LTBP2: variants seen among roughly 807,000 people sequenced by gnomAD.
The protein encoded by LTBP2 is latent transforming growth factor beta binding protein 2.
Under a neutral mutation model 210.6 loss-of-function variants are expected in LTBP2, and 103 were observed. That is an observed-to-expected ratio of 0.49 (90% CI 0.42 to 0.58). The LOEUF (loss-of-function observed/expected upper bound fraction) is 0.58, where lower values mean the gene tolerates loss of function less well. LTBP2 is among the 20% of genes least tolerant of loss of function. The pLI is 0.00. For missense variants in LTBP2, 2,313 were observed against 2,494.5 expected, an observed-to-expected ratio of 0.93 and a Z score of 1.55; for synonymous variants, 1,007 against 1,015.0, an observed-to-expected ratio of 0.99 and a Z score of 0.15.
At chr14:74,589,502 T>C (rs2088251912) in intron 2 of LTBP2, among the ~76,000 whole-genome samples, 1 of 152,260 alleles carries the variant, frequency 6.6e-6, no homozygotes, top group Non-Finnish European at 1.5e-5. Flanking sequence ...TTTTTCTTCA[T>C]GCCCAGGCAC....
chr14:74,596,059 C>G (rs2088355840), intron 2 of LTBP2, among the ~76,000 whole-genome samples: 1 of 151,848 alleles, frequency 6.6e-6, no homozygotes, highest in Non-Finnish European at 1.5e-5. Flanking sequence ...CAAAACGTCT[C>G]TATAAAAATA....
At chr14:74,527,947 G>A (rs2139717765) in intron 12 of LTBP2, among the ~76,000 whole-genome samples, 1 of 152,354 alleles carries the variant, frequency 6.6e-6, no homozygotes, top group South Asian at 2.1e-4. Context: ...CAGGCCTCCT[G>A]CATTCAGTGT....
chr14:74,502,665 C>T lies in LTBP2; in HGVS notation c.5158G>A (p.Ala1720Thr), dbSNP rs770631509. Residue 1720 changes from alanine to threonine, a missense_variant, in exon 34 of 36, where the codon GCC becomes ACC. Around this residue, in one of 3 missense-constraint regions of LTBP2, gnomAD observed 443 missense variants for 501.4 expected, o/e 0.88. Coordinates refer to ENST00000261978, the MANE Select transcript of LTBP2 (RefSeq NM_000428.3). ...QPSELQPHYV[A>T]SHPEPPAGFE... The stretch of plus-strand genomic sequence containing the variant: ...CAGCAACACAGACCTGGATGGCTGG[C>T]CACGTAGTGGGGCTGGAGTTCTGAG... 1 of 1,614,172 alleles carries T rather than the reference C, an allele frequency of 6.2e-7. No individual in the cohort carries two copies. The highest frequency in any genetic ancestry group is 1.1e-5 in the South Asian group (1 of 91,086).
At chr14:74,578,663 G>A (rs567810678) in intron 3 of LTBP2, among the ~76,000 whole-genome samples, 12 of 152,212 alleles carry the variant, frequency 7.9e-5, no homozygotes, top group Non-Finnish European at 1.6e-4. Flanking sequence ...GCCTGAACCC[G>A]CCTCTAGGTT....
chr14:74,540,253 A>G (rs888212603), intron 8 of LTBP2, among the ~76,000 whole-genome samples: 21 of 152,012 alleles, frequency 1.4e-4, no homozygotes, highest in Admixed American at 3.9e-4. Context: ...CGAGTGAATC[A>G]CCTGAGCTCT....
intron 9 of LTBP2, among the ~76,000 whole-genome samples, chr14:74,535,164 G>C (rs2087403178): frequency 6.6e-6 from 1 of 152,022 alleles, no homozygotes; most frequent in Admixed American, 6.6e-5. Context: ...TTATCCACGG[G>C]CTAGGAATCA....
At chr14:74,556,297 T>G (rs1404961082) in intron 3 of LTBP2, among the ~76,000 whole-genome samples, 1 of 152,242 alleles carries the variant, frequency 6.6e-6, no homozygotes, top group Non-Finnish European at 1.5e-5. Flanking sequence ...TTTTGCATAT[T>G]TTCTTTCAAC....
intron 21 of LTBP2, among the ~76,000 whole-genome samples, 172 bp from the exon 22 acceptor site, chr14:74,509,535 C>G (rs2087041620): frequency 6.6e-6 from 1 of 152,178 alleles, no homozygotes; most frequent in Non-Finnish European, 1.5e-5. Context: ...CTGGGACTGG[C>G]TTTTCCTCCT....
chr14:74,578,552 C>T (rs2139779854), intron 3 of LTBP2, among the ~76,000 whole-genome samples: 1 of 152,294 alleles, frequency 6.6e-6, no homozygotes, highest in Middle Eastern at 3.4e-3. Flanking sequence ...CCTCATCCAG[C>T]CACCAGACTC....
intron 21 of LTBP2, 116 bp from the exon 22 acceptor site, chr14:74,509,479 C>T (rs1230251940): frequency 2.8e-6 from 4 of 1,451,772 alleles, no homozygotes; most frequent in African/African-American, 1.4e-5. Flanking sequence ...AAAACCCCCT[C>T]CCTAGAACGC....
At chr14:74,505,289 T>A in intron 28 of LTBP2, 115 bp from the exon 29 acceptor site, 1 of 1,172,606 alleles carries the variant, frequency 8.5e-7, no homozygotes, top group Non-Finnish European at 1.2e-6. Context: ...GTGGAAAAAA[T>A]TCTGTTACCT....
At chr14:74,555,942 C>T (rs919924036) in intron 3 of LTBP2, among the ~76,000 whole-genome samples, 10 of 152,144 alleles carry the variant, frequency 6.6e-5, no homozygotes, top group South Asian at 2.1e-4. Context: ...TGGGTTATTC[C>T]GGGCAAATCA....
At chr14:74,611,101 C>T (rs2088599181) in intron 1 of LTBP2, among the ~76,000 whole-genome samples, 2 of 152,230 alleles carry the variant, frequency 1.3e-5, no homozygotes, top group Non-Finnish European at 2.9e-5. Flanking sequence ...TGCCCTCTCC[C>T]CGCTGCCTCT....
chr14:74,506,741 A>G lies in LTBP2; in HGVS notation c.3990T>C (p.Cys1330=). The G allele has an allele frequency of 1.2e-6, 2 of 1,614,012 alleles. No homozygotes were observed. The highest frequency in any genetic ancestry group is 1.7e-6 in the Non-Finnish European group (2 of 1,180,028). The change falls in exon 27 of 36, where the codon TGT becomes TGC. Residue 1330 remains cysteine (C), a synonymous_variant. Coordinates refer to ENST00000261978, the MANE Select transcript of LTBP2 (RefSeq NM_000428.3). Reference sequence around the variant, plus strand: ...AGGGAGAGATCTCGAAGCCCTGGTCACAGAGGCAGCGGAAGGAGCCATCAG... The same window carrying G: ...AGGGAGAGATCTCGAAGCCCTGGTCGCAGAGGCAGCGGAAGGAGCCATCAG... ...DNTDGSFRCL[C]DQGFEISPSG... is the part of the protein sequence containing the mutation.
chr14:74,530,452 C>T (rs1400596356), intron 10 of LTBP2, among the ~76,000 whole-genome samples: 1 of 152,238 alleles, frequency 6.6e-6, no homozygotes, highest in African/African-American at 2.4e-5. Context: ...CCTGCAGACA[C>T]TGTGGCTGCC....
In LTBP2 at chr14:74,508,088, G is replaced by T. The variant is rs764055325; in HGVS notation, c.3660C>A (p.Asp1220Glu). 1 of 1,613,762 alleles carries T rather than the reference G, an allele frequency of 6.2e-7. No individual in the cohort carries two copies. Among genetic ancestry groups the T allele is most frequent in the East Asian group, 2.2e-5 (1 of 44,882 alleles). Residue 1220 changes from aspartate (D) to glutamate (E), a missense_variant, in exon 25 of 36, where the codon GAC (aspartate) becomes GAA (glutamate). Asp to Glu is a conservative substitution (Grantham distance 45). Around this residue, in one of 3 missense-constraint regions of LTBP2, gnomAD observed 1,867 missense variants for 1,976.9 expected, o/e 0.94. Transcript: ENST00000261978. ...CACACGGGTCTGTGGTGGCACACTC[G>T]TCCACATCTAGAGTAGAGATGGCTG... Reference protein sequence around the residue: ...AEGGTSCQDVDECATTDPCVG... With the variant: ...AEGGTSCQDVEECATTDPCVG...
In LTBP2 at chr14:74,501,556, C is replaced by T. The variant is rs1221422298; in HGVS notation, c.5205G>A (p.Glu1735=). 1 of 1,614,056 alleles carries T rather than the reference C, an allele frequency of 6.2e-7. No individual in the cohort carries two copies. Among genetic ancestry groups the T allele is most frequent in the Non-Finnish European group, 8.5e-7 (1 of 1,180,040 alleles). The part of the protein sequence containing the change: ...PPAGFEGLQA[E]ECGILNGCEN... ...CACAGCCGTTCAGGATGCCGCACTC[C>T]TCCGCCTGAAGCCCTTCGAAGCCGG... Residue 1735 remains glutamate, a synonymous_variant, in exon 35 of 36, where the codon GAG becomes GAA. Coordinates refer to ENST00000261978, the MANE Select transcript of LTBP2 (RefSeq NM_000428.3).
intron 2 of LTBP2, among the ~76,000 whole-genome samples, chr14:74,592,839 T>G (rs767682890): frequency 6.6e-6 from 1 of 152,160 alleles, no homozygotes; most frequent in African/African-American, 2.4e-5. Flanking sequence ...CCCCAGCCCC[T>G]GGGACAGTAC....
At chr14:74,572,038 T>C (rs1046273433) in intron 3 of LTBP2, among the ~76,000 whole-genome samples, 1 of 152,080 alleles carries the variant, frequency 6.6e-6, no homozygotes, top group Non-Finnish European at 1.5e-5. Flanking sequence ...ACCACAGCTA[T>C]GTGGCTAGCA....
Sources: allele counts gnomAD v4.1 joint callset (sites outside exome capture counted in the v4.1 genomes callset), GRCh38; gene constraint gnomAD v4.1.1; regional missense constraint gnomAD v4.1.1; transcripts MANE v1.5; gene names NCBI Gene and HGNC (gene_info 2026-07-23, HGNC 2026-07-21).